Variants in PKD2L1 observed in about 807,000 individuals in gnomAD.
PKD2L1 encodes the protein polycystin-2-like protein 1.
A neutral mutation model predicts 93.0 loss-of-function variants in PKD2L1; 77 were observed. The observed-to-expected ratio is 0.83, with a 90% CI of 0.69 to 1.00. PKD2L1 has a LOEUF of 1.00. PKD2L1 is among the 50% of genes least tolerant of loss of function. PKD2L1 has a pLI of 0.00. For missense variants in PKD2L1, 977 were observed against 990.9 expected, an observed-to-expected ratio of 0.99 and a Z score of 0.19; for synonymous variants, 390 against 388.0, an observed-to-expected ratio of 1.01 and a Z score of -0.06.
chr10:100,325,340 T>A (rs1849353718), intron 2 of PKD2L1, among the ~76,000 whole-genome samples: 1 of 152,136 alleles, frequency 6.6e-6, no homozygotes, highest in African/African-American at 2.4e-5. Context: ...AGCTGAGACA[T>A]CAGCGGGGTG....
At chr10:100,305,260 C>T (rs1848772721) in intron 2 of PKD2L1, among the ~76,000 whole-genome samples, 2 of 151,802 alleles carry the variant, frequency 1.3e-5, no homozygotes, top group Admixed American at 6.6e-5. Context: ...TACGGGCGCC[C>T]GGCACCATAC....
chr10:100,298,267 AG>A (rs1848596403), intron 4 of PKD2L1, among the ~76,000 whole-genome samples: 1 of 152,224 alleles, frequency 6.6e-6, no homozygotes, highest in Non-Finnish European at 1.5e-5. Context: ...TAGGCAAGAA[AG>A]GAAGCTTTCC....
chr10:100,298,522 G>A, intron 4 of PKD2L1, 40 bp downstream of exon 4: 1 of 1,603,016 alleles, frequency 6.2e-7, no homozygotes, highest in East Asian at 2.2e-5. Context: ...CAGGTTTAGA[G>A]GGGCAAGCCC....
At chr10:100,324,754 A>G (rs1849339600) in intron 2 of PKD2L1, among the ~76,000 whole-genome samples, 1 of 152,220 alleles carries the variant, frequency 6.6e-6, no homozygotes, top group African/African-American at 2.4e-5. Flanking sequence ...AGGAGCTAGT[A>G]TTTGAATCCA....
Position 100,329,895 on chromosome 10 carries a change from C to T in PKD2L1, c.209G>A (p.Cys70Tyr). The change falls in exon 1 of 16, where the codon TGC (cysteine) becomes TAC (tyrosine). Residue 70 changes from cysteine to tyrosine, a missense_variant. Physicochemically the swap from Cys to Tyr is radical, Grantham distance 194. Coordinates refer to ENST00000318222, the MANE Select transcript of PKD2L1 (RefSeq NM_016112.3). ...TCTGATGCCTTGACAGATATGGAGGCAGCAGCTGGACACCTGGGTCCTGTA... is the reference window on the plus strand; with the variant it reads ...TCTGATGCCTTGACAGATATGGAGGTAGCAGCTGGACACCTGGGTCCTGTA... The part of the protein sequence containing the change: ...TAYRTQVSSC[C>Y]LHICQGIRGL... 6.2e-7 allele frequency: 1 copy of T among 1,612,244 alleles called. No homozygotes were observed. Among genetic ancestry groups the T allele is most frequent in the Non-Finnish European group, 8.5e-7 (1 of 1,178,572 alleles).
intron 2 of PKD2L1, among the ~76,000 whole-genome samples, chr10:100,305,651 C>T (rs1010874833): frequency 6.6e-6 from 1 of 152,114 alleles, no homozygotes; most frequent in Non-Finnish European, 1.5e-5. Context: ...CCCTACACAG[C>T]GTGAAGGTAG....
chr10:100,329,359 G>A lies in PKD2L1; in HGVS notation c.236-35C>T, dbSNP rs774518382. ...ATGGGAGAGATGCCTGGGATGCTCAGTGGCAGTGTTCCTCCCAGTCATCCC... is the reference window on the plus strand; with the variant it reads ...ATGGGAGAGATGCCTGGGATGCTCAATGGCAGTGTTCCTCCCAGTCATCCC... On this transcript the variant is annotated intron_variant, in intron 1 of 15. Coordinates refer to ENST00000318222, the MANE Select transcript of PKD2L1 (RefSeq NM_016112.3). 7 of 1,613,922 alleles carry A rather than the reference G, an allele frequency of 4.3e-6. No individual in the cohort carries two copies. The South Asian group carries it at 6.6e-5, about 15-fold the overall frequency.
Position 100,329,277 on chromosome 10 carries a change from G to A in PKD2L1, c.283C>T (p.Leu95Phe). Residue 95 changes from leucine (L) to phenylalanine (F), a missense_variant, in exon 2 of 16, where the codon CTT becomes TTT. By Grantham distance (22) the Leu-to-Phe change is conservative. Transcript: ENST00000318222. ...TCCCTCAGGGTGGTCTTGATATAAA[G>A]TTCCCGGTTCTCAGCTGTGTTCTCA... ...LTENTAENRE[L>F]YIKTTLRELL... The A allele has an allele frequency of 1.2e-6, 2 of 1,614,146 alleles. No individual in the cohort carries two copies. The highest frequency in any genetic ancestry group is 1.7e-5 in the Admixed American group (1 of 60,028).
intron 2 of PKD2L1, among the ~76,000 whole-genome samples, chr10:100,322,384 G>A (rs558696472): frequency 8.5e-5 from 13 of 152,118 alleles, no homozygotes; most frequent in African/African-American, 2.2e-4. Flanking sequence ...AAAATTAGCC[G>A]GGCATGGTCG....
At chr10:100,311,841 C>T (rs1263365511) in intron 2 of PKD2L1, among the ~76,000 whole-genome samples, 2 of 152,174 alleles carry the variant, frequency 1.3e-5, no homozygotes, top group African/African-American at 4.8e-5. Flanking sequence ...TAGTCGAACA[C>T]ATAAAGGAAC....
intron 2 of PKD2L1, among the ~76,000 whole-genome samples, chr10:100,312,624 C>A (rs933268994): frequency 1.3e-5 from 2 of 152,074 alleles, no homozygotes; most frequent in East Asian, 3.8e-4. Flanking sequence ...GAGGACAGGG[C>A]ATAAGGCAAT....
chr10:100,293,312 T>A lies in PKD2L1; in HGVS notation c.1727A>T (p.Asp576Val). ...CAGGAGGTCAGAAAGTTGCAGCTCA[T>A]CCTTCTGTCCAGCCAGCTCCTCCTT... The part of the protein sequence containing the change: ...EVKEELAGQK[D>V]ELQLSDLLKQ... The change falls in exon 10 of 16, where the codon GAT becomes GTT. Residue 576 changes from aspartate to valine, a missense_variant. By Grantham distance (152) the Asp-to-Val change is radical. Transcript: ENST00000318222. The A allele has an allele frequency of 1.2e-6, 2 of 1,612,930 alleles. No homozygotes were observed. The highest frequency in any genetic ancestry group is 1.7e-6 in the Non-Finnish European group (2 of 1,178,876).
At chr10:100,303,729 A>G (rs188642774) in intron 2 of PKD2L1, among the ~76,000 whole-genome samples, 27 of 152,232 alleles carry the variant, frequency 1.8e-4, no homozygotes, top group African/African-American at 6.3e-4. Context: ...TCTAACTCAA[A>G]TCTGTGATTA....
At chr10:100,307,370 C>T (rs1307671902) in intron 2 of PKD2L1, among the ~76,000 whole-genome samples, 2 of 152,176 alleles carry the variant, frequency 1.3e-5, no homozygotes, top group Admixed American at 1.3e-4. Context: ...CCAAGAGATA[C>T]ATGTTACAGA....
intron 5 of PKD2L1, 58 bp from the exon 6 acceptor site, chr10:100,297,266 A>G: frequency 6.4e-7 from 1 of 1,561,032 alleles, no homozygotes; most frequent in Non-Finnish European, 8.8e-7. Context: ...GGCTCCTCCC[A>G]CTTCCTCTCC....
At position 100,299,656 on chromosome 10, in the gene PKD2L1, A is replaced by G. The variant is rs1848635057; in HGVS notation, c.412T>C (p.Leu138=). The G allele has an allele frequency of 6.2e-7, 1 of 1,612,946 alleles. No homozygotes were observed. Among genetic ancestry groups the G allele is most frequent in the African/African-American group, 1.3e-5 (1 of 74,912 alleles). The change falls in exon 3 of 16, where the codon TTA becomes CTA. Residue 138 remains leucine (L), a synonymous_variant. Transcript: ENST00000318222. ...YYTKVMSELF[L]HTPSDTGVSF... Reference sequence around the variant, plus strand: ...ACTCCAGTGTCTGATGGAGTATGTAAGAAGAGCTCAGACATCACTTTGGTG... The same window carrying G: ...ACTCCAGTGTCTGATGGAGTATGTAGGAAGAGCTCAGACATCACTTTGGTG...
At chr10:100,315,390 C>G (rs552858808) in intron 2 of PKD2L1, among the ~76,000 whole-genome samples, 2 of 152,020 alleles carry the variant, frequency 1.3e-5, no homozygotes, top group African/African-American at 2.4e-5. Flanking sequence ...AAGACCTGCA[C>G]GCATTAGATA....
chr10:100,291,261 A>T (rs368984277), intron 12 of PKD2L1, 40 bp downstream of exon 12: 1 of 1,596,620 alleles, frequency 6.3e-7, no homozygotes, highest in East Asian at 2.2e-5. Context: ...AGGGTGAGCT[A>T]TTTCCTTACA....
At chr10:100,308,519 G>A (rs1848858251) in intron 2 of PKD2L1, among the ~76,000 whole-genome samples, 1 of 152,060 alleles carries the variant, frequency 6.6e-6, no homozygotes, top group South Asian at 2.1e-4. Context: ...ATTTTTAATA[G>A]AGATGGGGCT....
Sources: gnomAD v4.1 joint callset for allele counts (sites outside exome capture counted in the v4.1 genomes callset) on GRCh38, gnomAD v4.1.1 for gene constraint, MANE v1.5 for transcripts, NCBI Gene and HGNC (gene_info 2026-07-23, HGNC 2026-07-21) for gene names.